PTK7: variants seen among roughly 807,000 people sequenced by gnomAD.
PTK7 encodes inactive tyrosine-protein kinase 7.
In PTK7, 39 loss-of-function variants were observed where a neutral mutation model predicts 116.6. That is an observed-to-expected ratio of 0.33 (90% CI 0.26 to 0.44). PTK7 has a LOEUF of 0.44. Ranked by LOEUF, PTK7 falls within the 20% of genes least tolerant of loss-of-function variation. The pLI, the probability that PTK7 is intolerant of heterozygous loss-of-function variation, is 1.00. For synonymous variants in PTK7, 546 were observed against 563.6 expected, an observed-to-expected ratio of 0.97 and a Z score of 0.44; for missense variants, 1,169 against 1,425.6, an observed-to-expected ratio of 0.82 and a Z score of 2.90.
At position 43,076,642 on chromosome 6, in the gene PTK7, C is replaced by T; in HGVS notation, c.79+75C>T. On this transcript the variant is annotated intron_variant, in intron 1 of 19. Coordinates refer to ENST00000230419, the MANE Select transcript of PTK7 (RefSeq NM_002821.5). This position sits in a 1 kb window ranked among gnomAD's most constrained non-coding sequence, Gnocchi z 5.7. Reference sequence around the variant, plus strand: ...CGTGGGCAAAAGGCTGCGCCCGGGGCGGTGGGTTTGGGCGGCTGGAACGGC... The same window carrying T: ...CGTGGGCAAAAGGCTGCGCCCGGGGTGGTGGGTTTGGGCGGCTGGAACGGC... 1 of 1,483,882 alleles carries T rather than the reference C, an allele frequency of 6.7e-7. No individual in the cohort carries two copies. Among genetic ancestry groups the T allele is most frequent in the East Asian group, 2.7e-5 (1 of 37,256 alleles). The allele number at this position is 1,483,882 out of a possible 1,614,324, so 91.9% of individuals were successfully genotyped here. A position where few individuals can be genotyped will look rare whatever the true frequency, so the allele number is the denominator to read the frequency against.
At chr6:43,114,417 A>T (rs938055079) in intron 1 of PTK7, among the ~76,000 whole-genome samples, 4 of 150,614 alleles carry the variant, frequency 2.7e-5, no homozygotes, top group African/African-American at 9.8e-5. Flanking sequence ...CTGTTCCCTT[A>T]TCTTATCTCC....
At chr6:43,077,125 C>T in intron 1 of PTK7, 1 of 1,015,244 alleles carries the variant, frequency 9.8e-7, no homozygotes, top group Non-Finnish European at 1.3e-6. Context: ...CCAGATGGCC[C>T]TGCGGGTGAG....
At position 43,114,847 on chromosome 6, in the gene PTK7, C is replaced by T. The variant is rs572939976; in HGVS notation, c.80-14130C>T. Among the ~76,000 whole-genome samples, 12 of 152,104 alleles carry T rather than the reference C, an allele frequency of 7.9e-5. No homozygotes were observed. In the South Asian group the frequency reaches 2.5e-3, roughly 32 times the overall value. On this transcript the variant is annotated intron_variant, in intron 1 of 19. Coordinates refer to ENST00000230419, the MANE Select transcript of PTK7 (RefSeq NM_002821.5). ...CTGAGGTCAGGAGTTCGAGACCAGC[C>T]TGGCCAACATGGTGAAACCCTGTCT...
Position 43,076,461 on chromosome 6 carries a change from C to T in PTK7, c.-28C>T. 2.6e-6 allele frequency: 4 copies of T among 1,540,372 alleles called. No individual in the cohort carries two copies. Among genetic ancestry groups the T allele is most frequent in the East Asian group, 2.7e-5 (1 of 37,076 alleles). On this transcript the variant is annotated 5_prime_UTR_variant, in exon 1 of 20. Transcript: ENST00000230419. The surrounding 1 kb of genome is among the most constrained non-coding windows in gnomAD (Gnocchi z 5.7). ...GCAGTCTGCGCGCCCGCCGTGCGCCCTCAGCTCCTTTTCCTGAGCCCGCCG... is the reference window on the plus strand; with the variant it reads ...GCAGTCTGCGCGCCCGCCGTGCGCCTTCAGCTCCTTTTCCTGAGCCCGCCG...
chr6:43,144,287 A>G, intron 14 of PTK7, 164 bp from the exon 15 acceptor site: 3 of 738,868 alleles, frequency 4.1e-6, no homozygotes, highest in Non-Finnish European at 6.6e-6. Flanking sequence ...TCCCCCACCC[A>G]GCCCCAGCCC....
rs755082681 is a variant in PTK7, at chr6:43,141,654, T to C, written c.1619-14T>C. On this transcript the variant is annotated splice_polypyrimidine_tract_variant and intron_variant, in intron 10 of 19. Coordinates refer to ENST00000230419, the MANE Select transcript of PTK7 (RefSeq NM_002821.5). The surrounding 1 kb of genome is among the most constrained non-coding windows in gnomAD (Gnocchi z 4.9). ...CCTGATCCTTCCCATAATTTCCCTT[T>C]GTTACCCCTGCAGATGGGAGCAGCC... 1.9e-6 allele frequency: 3 copies of C among 1,612,440 alleles called. No individual in the cohort carries two copies. The South Asian group carries it at 3.3e-5, about 18-fold the overall frequency.
intron 17 of PTK7, among the ~76,000 whole-genome samples, chr6:43,148,919 TGTG>T (rs1770886455): frequency 7.0e-6 from 1 of 143,170 alleles, no homozygotes; most frequent in Admixed American, 7.1e-5. Flanking sequence ...ATTAGCCAGG[TGTG>T]GTGGTAGGTG....
At chr6:43,150,446 G>A (rs1489606588) in intron 17 of PTK7, among the ~76,000 whole-genome samples, 1 of 152,104 alleles carries the variant, frequency 6.6e-6, no homozygotes, top group African/African-American at 2.4e-5. Flanking sequence ...CTTGCTTTCC[G>A]GAAGCACCAC....
chr6:43,097,822 C>T (rs1321634714), intron 1 of PTK7, among the ~76,000 whole-genome samples: 12 of 152,212 alleles, frequency 7.9e-5, no homozygotes, highest in Non-Finnish European at 1.6e-4. Context: ...CCAGTTAGCG[C>T]TGAATTAGCT....
chr6:43,118,113 T>G (rs1450025315), intron 1 of PTK7, among the ~76,000 whole-genome samples: 1 of 150,776 alleles, frequency 6.6e-6, no homozygotes, highest in East Asian at 1.9e-4. Flanking sequence ...TTTTTTTTTT[T>G]TTTTTTTTTG....
intron 1 of PTK7, among the ~76,000 whole-genome samples, chr6:43,081,558 CTG>C (rs1766381419): frequency 6.6e-6 from 1 of 152,122 alleles, no homozygotes; most frequent in South Asian, 2.1e-4. Flanking sequence ...GTGTGTGCCA[CTG>C]CACCCAGCTA....
rs1324295111 is a variant in PTK7 at position 43,139,541 on chromosome 6, G to A, written c.1618+16G>A. 1 of 1,613,720 alleles carries A rather than the reference G, an allele frequency of 6.2e-7. No individual in the cohort carries two copies. The highest frequency in any genetic ancestry group is 1.7e-5 in the Admixed American group (1 of 60,016). On this transcript the variant is annotated intron_variant, in intron 10 of 19. Coordinates refer to ENST00000230419, the MANE Select transcript of PTK7 (RefSeq NM_002821.5). The surrounding 1 kb of genome is among the most constrained non-coding windows in gnomAD (Gnocchi z 4.6). ...GAACGGGCAGGTGGGTACAGTGCCGGCATAGGGTAGGGGCAGGCAGGCAGT... is the reference window on the plus strand; with the variant it reads ...GAACGGGCAGGTGGGTACAGTGCCGACATAGGGTAGGGGCAGGCAGGCAGT...
At chr6:43,106,922 C>A (rs1220091623) in intron 1 of PTK7, among the ~76,000 whole-genome samples, 3 of 108,670 alleles carry the variant, frequency 2.8e-5, no homozygotes, top group Admixed American at 9.3e-5. Flanking sequence ...AGCCTCTTCC[C>A]TGAATTTTTT....
intron 1 of PTK7, among the ~76,000 whole-genome samples, chr6:43,123,188 C>A (rs758392207): frequency 1.6e-4 from 24 of 151,954 alleles, no homozygotes; most frequent in Non-Finnish European, 2.9e-4. Context: ...AACTCCTGAT[C>A]TTGTGATCCG....
chr6:43,152,041 G>A (rs879554718), intron 17 of PTK7, among the ~76,000 whole-genome samples: 3 of 151,222 alleles, frequency 2.0e-5, no homozygotes, highest in Non-Finnish European at 4.4e-5. Context: ...TAGAGACGGG[G>A]TTTCATCATG....
chr6:43,124,137 T>C (rs1004596622), intron 1 of PTK7, among the ~76,000 whole-genome samples: 1 of 151,988 alleles, frequency 6.6e-6, no homozygotes. Flanking sequence ...CCCAGGACCT[T>C]TCCCAGACCA....
chr6:43,127,500 G>C (rs1021242434), intron 1 of PTK7, among the ~76,000 whole-genome samples: 3 of 152,196 alleles, frequency 2.0e-5, no homozygotes, highest in African/African-American at 7.2e-5. Context: ...CTTTGGTTGC[G>C]GGGACCCTGT....
At chr6:43,149,040 CAA>C (rs913181003) in intron 17 of PTK7, among the ~76,000 whole-genome samples, 1 of 103,160 alleles carries the variant, frequency 9.7e-6, no homozygotes, top group African/African-American at 4.0e-5. Context: ...GCCTGGGAGA[CAA>C]GAGCAAGACT....
intron 1 of PTK7, among the ~76,000 whole-genome samples, chr6:43,079,277 C>T (rs1175045234): frequency 6.6e-6 from 1 of 151,974 alleles, no homozygotes; most frequent in African/African-American, 2.4e-5. Context: ...ACCATCCTGG[C>T]TAACACGGTG....
Sources: allele counts gnomAD v4.1 joint callset (sites outside exome capture counted in the v4.1 genomes callset), GRCh38; gene constraint gnomAD v4.1.1; non-coding constraint Gnocchi (gnomAD v3.1); transcripts MANE v1.5; gene names NCBI Gene and HGNC (gene_info 2026-07-23, HGNC 2026-07-21).